The following RAD51 variants were observed in gnomAD, a reference collection of about 807,000 sequenced individuals.
The protein encoded by RAD51 is RAD51 recombinase.
Under a neutral mutation model 41.5 loss-of-function variants are expected in RAD51, and 14 were observed. That is an observed-to-expected ratio of 0.34 (90% CI 0.22 to 0.53). The LOEUF is 0.53. Ranked by LOEUF, RAD51 falls within the 20% of genes least tolerant of loss-of-function variation. The probability of loss-of-function intolerance (pLI) is 0.95; values close to 1 mark genes in which losing one functional copy is unlikely to be tolerated. For missense variants in RAD51, 234 were observed against 422.0 expected, an observed-to-expected ratio of 0.55 and a Z score of 3.90; for synonymous variants, 136 against 148.6, an observed-to-expected ratio of 0.92 and a Z score of 0.62.
At position 40,732,104 on chromosome 15, in the gene RAD51, G is replaced by A. The variant is rs1363612866; in HGVS notation, c.*926G>A. 2 of 204,626 alleles carry A rather than the reference G, an allele frequency of 9.8e-6. No individual in the cohort carries two copies. The highest frequency in any genetic ancestry group is 2.3e-5 in the African/African-American group (1 of 43,590). The allele number at this position is 204,626 out of a possible 1,614,324, so 12.7% of individuals were successfully genotyped here. On this transcript the variant is annotated 3_prime_UTR_variant, in exon 10 of 10. Coordinates refer to ENST00000267868, the MANE Select transcript of RAD51 (RefSeq NM_002875.5). ...TTTCAAACAAGAAACATTTCAGAGG[G>A]TAAGTAAACAGATTTGATTGTGAGG...
Position 40,698,830 on chromosome 15 carries a change from C to T in RAD51, c.72C>T (p.Pro24=). ...SVEEESFGPQ[P]ISRLEQCGIN... The stretch of plus-strand genomic sequence containing the variant: ...AAGAAGAAAGCTTTGGCCCACAACC[C>T]ATTTCACGGTTAGAGGTATGTGGTT... Residue 24 remains proline (P), a synonymous_variant, in exon 2 of 10, where the codon CCC becomes CCT. Coordinates refer to ENST00000267868, the MANE Select transcript of RAD51 (RefSeq NM_002875.5). 1 of 1,614,088 alleles carries T rather than the reference C, an allele frequency of 6.2e-7. No homozygotes were observed. The highest frequency in any genetic ancestry group is 8.5e-7 in the Non-Finnish European group (1 of 1,179,962).
intron 1 of RAD51, among the ~76,000 whole-genome samples, chr15:40,698,386 G>A (rs1426197166): frequency 1.3e-5 from 2 of 151,564 alleles, no homozygotes; most frequent in Admixed American, 6.6e-5. Flanking sequence ...ACGGGGTTTC[G>A]CATGTTGGCC....
intron 5 of RAD51, among the ~76,000 whole-genome samples, chr15:40,712,624 C>G (rs3092982): frequency 0.5 from 75,605 of 152,050 alleles, 19,666 homozygotes; most frequent in East Asian, 0.77. Flanking sequence ...ATCCTTGAAC[C>G]TGGCCCATGC....
intron 6 of RAD51, among the ~76,000 whole-genome samples, chr15:40,726,361 C>T (rs954447833): frequency 4.6e-5 from 7 of 151,482 alleles, no homozygotes; most frequent in African/African-American, 1.7e-4. Context: ...AAGCGATTCT[C>T]CTGCCTCAGC....
intron 9 of RAD51, among the ~76,000 whole-genome samples, chr15:40,730,556 G>T (rs576054999): frequency 1.5e-3 from 56 of 36,928 alleles, no homozygotes; most frequent in African/African-American, 4.5e-3. Context: ...GAGTCTCGCT[G>T]TGTCACCCAG....
chr15:40,724,297 A>T (rs1449475732), intron 6 of RAD51, among the ~76,000 whole-genome samples: 1 of 152,312 alleles, frequency 6.6e-6, no homozygotes, highest in Admixed American at 6.5e-5. Context: ...ACTTTTAAGT[A>T]TACTGTTTTA....
intron 6 of RAD51, among the ~76,000 whole-genome samples, chr15:40,726,004 A>G (rs544501780): frequency 1.3e-5 from 2 of 151,670 alleles, no homozygotes; most frequent in Non-Finnish European, 2.9e-5. Flanking sequence ...AAAACAACAA[A>G]AAAAAATGCA....
At chr15:40,695,706 C>T (rs1894578739) in intron 1 of RAD51, 1 of 152,204 alleles carries the variant, frequency 6.6e-6, no homozygotes. Context: ...GCGGTGTAGC[C>T]ACAGCTGTTT....
In RAD51 at chr15:40,709,049, CAG is replaced by C. The variant is rs1382464907; in HGVS notation, c.370_371del (p.Glu124AsnfsTer25). 1 of 1,614,030 alleles carries C rather than the reference CAG, an allele frequency of 6.2e-7. No individual in the cohort carries two copies. The highest frequency in any genetic ancestry group is 8.5e-7 in the Non-Finnish European group (1 of 1,179,942). ...GGTGGAATTGAGACTGGATCTATCA[CAG>C]AAATGTTTGGAGAATTCCGAACTGG... is the stretch of plus-strand genomic sequence containing the variant. On this transcript the variant is annotated frameshift_variant, in exon 5 of 10. Transcript: ENST00000267868. LOFTEE classifies it high-confidence loss of function.
At chr15:40,707,715 GGTTTGTTT>G (rs917921587) in intron 4 of RAD51, among the ~76,000 whole-genome samples, 1 of 150,166 alleles carries the variant, frequency 6.7e-6, no homozygotes, top group African/African-American at 2.5e-5. Context: ...TGTTGTTGTT[GGTTTGTTT>G]GTTTGTTTTT....
chr15:40,709,434 T>C (rs1441552096), intron 5 of RAD51, among the ~76,000 whole-genome samples: 4 of 147,806 alleles, frequency 2.7e-5, no homozygotes, highest in Non-Finnish European at 5.9e-5. Flanking sequence ...TGAAGTACAG[T>C]GGTGTGATCT....
chr15:40,722,417 G>GA (rs35073579), intron 6 of RAD51, among the ~76,000 whole-genome samples: 3,365 of 130,508 alleles, frequency 0.026, 52 homozygotes, highest in Middle Eastern at 0.055. Flanking sequence ...CTGGCTCGGG[G>GA]AAAAAAAAAA....
chr15:40,704,261 T>C (rs992278376), intron 3 of RAD51, among the ~76,000 whole-genome samples: 6 of 151,530 alleles, frequency 4.0e-5, no homozygotes, highest in Non-Finnish European at 7.4e-5. Context: ...AGACAGGGTT[T>C]CACCGTGTTA....
intron 6 of RAD51, among the ~76,000 whole-genome samples, chr15:40,728,157 G>C (rs1217088457): frequency 6.6e-6 from 1 of 152,130 alleles, no homozygotes; most frequent in Non-Finnish European, 1.5e-5. Flanking sequence ...ACCGCACCTG[G>C]CCCTCAAAGA....
At chr15:40,708,231 C>G (rs1396627615) in intron 4 of RAD51, among the ~76,000 whole-genome samples, 3 of 116,206 alleles carry the variant, frequency 2.6e-5, no homozygotes, top group African/African-American at 1.0e-4. Flanking sequence ...TTGTGCCCAG[C>G]TTTTTTTTTT....
At chr15:40,724,947 C>T (rs1458472793) in intron 6 of RAD51, among the ~76,000 whole-genome samples, 1 of 130,956 alleles carries the variant, frequency 7.6e-6, no homozygotes, top group Non-Finnish European at 1.6e-5. Context: ...GGCCGGACTG[C>T]GGACTGCAGT....
chr15:40,704,447 C>T (rs556268169), intron 3 of RAD51, among the ~76,000 whole-genome samples: 8 of 150,808 alleles, frequency 5.3e-5, no homozygotes, highest in African/African-American at 1.7e-4. Flanking sequence ...CTGCAACCTC[C>T]GCCGCCCGGG....
rs138965160 is a variant in RAD51, at chr15:40,731,771, A to G, written c.*593A>G. 99 of 217,608 alleles carry G rather than the reference A, an allele frequency of 4.5e-4. 1 individual carries two copies. The highest frequency in any genetic ancestry group is 2.9e-3 in the Middle Eastern group (2 of 680). 13.5% of individuals were successfully genotyped at this position (217,608 alleles called of 1,614,324 possible). A position where few individuals can be genotyped will look rare whatever the true frequency, so the allele number is the denominator to read the frequency against. ...CTTTCATTGCTAAGACTAACTCAAG[A>G]TAATCCTAGAGTCTTAAAGCATTTC... On this transcript the variant is annotated 3_prime_UTR_variant, in exon 10 of 10. Coordinates refer to ENST00000267868, the MANE Select transcript of RAD51 (RefSeq NM_002875.5).
chr15:40,705,979 A>C (rs1895310120), intron 3 of RAD51, among the ~76,000 whole-genome samples, 198 bp from the exon 4 acceptor site: 1 of 152,210 alleles, frequency 6.6e-6, no homozygotes, highest in Non-Finnish European at 1.5e-5. Context: ...ATCTTCATGG[A>C]ATCTCTGAAT....
Sources: gnomAD v4.1 joint callset for allele counts (sites outside exome capture counted in the v4.1 genomes callset) on GRCh38, gnomAD v4.1.1 for gene constraint, MANE v1.5 for transcripts, NCBI Gene and HGNC (gene_info 2026-07-23, HGNC 2026-07-21) for gene names.